The following ZNF740 variants were observed in gnomAD, a reference collection of about 807,000 sequenced individuals.
ZNF740 encodes the protein zinc finger protein 740.
ZNF740 carries 14 observed loss-of-function variants against 24.8 expected under a neutral mutation model. That is an observed-to-expected ratio of 0.56 (90% CI 0.37 to 0.88). The LOEUF (loss-of-function observed/expected upper bound fraction) is 0.88. ZNF740 is among the 40% of genes least tolerant of loss of function. The pLI, the probability that ZNF740 is intolerant of heterozygous loss-of-function variation, is 0.00. For missense variants in ZNF740, 201 were observed against 247.9 expected, an observed-to-expected ratio of 0.81 and a Z score of 1.27; for synonymous variants, 69 against 84.0, an observed-to-expected ratio of 0.82 and a Z score of 0.98.
Position 53,193,557 on chromosome 12 carries a change from A to G in ZNF740, c.*5967A>G, listed in dbSNP as rs970622858. The G allele has an allele frequency of 7.7e-6, 6 of 778,536 alleles. No individual in the cohort carries two copies. The highest frequency in any genetic ancestry group is 1.2e-5 in the Non-Finnish European group (6 of 488,552). The allele number at this position is 778,536 out of a possible 1,614,324, so 48.2% of individuals were successfully genotyped here. A position where few individuals can be genotyped will look rare whatever the true frequency, so the allele number is the denominator to read the frequency against. ...CCCCAGTCAGGGGGAGGGCCTGGAC[A>G]TACATGGGAAGCTTCAAGGGATGAA... On this transcript the variant is annotated 3_prime_UTR_variant, in exon 7 of 7. Coordinates refer to ENST00000416904, the MANE Select transcript of ZNF740 (RefSeq NM_001004304.4).
chr12:53,193,461 T>G lies in ZNF740; in HGVS notation c.*5871T>G. On this transcript the variant is annotated 3_prime_UTR_variant, in exon 7 of 7. Transcript: ENST00000416904. ...CTCTAAACCCAAGTTCTCAAAAGAG[T>G]TGGAGACAGACAAACAGCTGAAAGG... The G allele has an allele frequency of 1.1e-6, 1 of 909,524 alleles. No homozygotes were observed. Among genetic ancestry groups the G allele is most frequent in the Non-Finnish European group, 1.6e-6 (1 of 612,834 alleles). 56.3% of individuals were successfully genotyped at this position (909,524 alleles called of 1,614,324 possible). A position where few individuals can be genotyped will look rare whatever the true frequency, so the allele number is the denominator to read the frequency against.
rs1942039306 is a variant in ZNF740, at chr12:53,193,411, C to G, written c.*5821C>G. The G allele has an allele frequency of 7.3e-7, 1 of 1,362,942 alleles. No individual in the cohort carries two copies. Among genetic ancestry groups the G allele is most frequent in the Non-Finnish European group, 9.9e-7 (1 of 1,012,430 alleles). The allele number at this position is 1,362,942 out of a possible 1,614,324, so 84.4% of individuals were successfully genotyped here. On this transcript the variant is annotated 3_prime_UTR_variant, in exon 7 of 7. Coordinates refer to ENST00000416904, the MANE Select transcript of ZNF740 (RefSeq NM_001004304.4). Reference sequence around the variant, plus strand: ...AGAAGTAGGTCAGAGGGTTTGATCACCCCTGACTTGTCTCTCCCAGGAACC... The same window carrying G: ...AGAAGTAGGTCAGAGGGTTTGATCAGCCCTGACTTGTCTCTCCCAGGAACC...
At chr12:53,187,377 C>T (rs984092032) in intron 6 of ZNF740, 124 bp from the exon 7 acceptor site, 2 of 768,716 alleles carry the variant, frequency 2.6e-6, no homozygotes, top group Non-Finnish European at 4.4e-6. Context: ...CCGTGTGCTC[C>T]TGCTGTCTGT....
At position 53,193,655 on chromosome 12, in the gene ZNF740, GGGTT is replaced by G; in HGVS notation, c.*6075_*6078del. ...GAAAGCAGCGGAGGAATACGGGCCA[GGGTT>G]GGTTGGTTGTTGGGAGCCAGGTGGT... On this transcript the variant is annotated 3_prime_UTR_variant, in exon 7 of 7. Transcript: ENST00000416904. 1.3e-6 allele frequency: 2 copies of G among 1,487,100 alleles called. No individual in the cohort carries two copies. Among genetic ancestry groups the G allele is most frequent in the Non-Finnish European group, 1.8e-6 (2 of 1,086,946 alleles). 92.1% of individuals were successfully genotyped at this position (1,487,100 alleles called of 1,614,324 possible). A position where few individuals can be genotyped will look rare whatever the true frequency, so the allele number is the denominator to read the frequency against.
chr12:53,183,853 G>A (rs140910436), intron 2 of ZNF740, among the ~76,000 whole-genome samples: 5 of 151,990 alleles, frequency 3.3e-5, no homozygotes, highest in South Asian at 2.1e-4. Flanking sequence ...GTGAAACCCC[G>A]TCTCTATAAA....
rs1312922304 is a variant in ZNF740 at position 53,194,970 on chromosome 12, T to G, written c.*7380T>G. The stretch of plus-strand genomic sequence containing the variant: ...AATGCCAGCCCTTCTGTTTGTTATC[T>G]TTGTGACCTTGGACAAGTCACTTAG... On this transcript the variant is annotated 3_prime_UTR_variant, in exon 7 of 7. Transcript: ENST00000416904. The G allele has an allele frequency of 2.0e-5, 4 of 200,920 alleles. No homozygotes were observed. The highest frequency in any genetic ancestry group is 4.1e-5 in the Non-Finnish European group (4 of 96,874). 12.4% of individuals were successfully genotyped at this position (200,920 alleles called of 1,614,324 possible). A position where few individuals can be genotyped will look rare whatever the true frequency, so the allele number is the denominator to read the frequency against.
intron 2 of ZNF740, among the ~76,000 whole-genome samples, chr12:53,184,176 GGT>G (rs143795685): frequency 0.03 from 3,882 of 127,604 alleles, 181 homozygotes; most frequent in African/African-American, 0.1. Context: ...GAAGCTAAGG[GGT>G]GTGTGTGTGT....
chr12:53,193,966 AATC>A lies in ZNF740; in HGVS notation c.*6380_*6382del, dbSNP rs1942065771. ...CACACACACATACCCCAAACTCACC[AATC>A]ATCCAGAACCTCACCCCTTAGTAAA... On this transcript the variant is annotated 3_prime_UTR_variant, in exon 7 of 7. Coordinates refer to ENST00000416904, the MANE Select transcript of ZNF740 (RefSeq NM_001004304.4). The A allele has an allele frequency of 2.1e-6, 3 of 1,459,246 alleles. No homozygotes were observed. The highest frequency in any genetic ancestry group is 9.4e-7 in the Non-Finnish European group (1 of 1,065,624). 90.4% of individuals were successfully genotyped at this position (1,459,246 alleles called of 1,614,324 possible).
In ZNF740 at chr12:53,189,175, C is replaced by G. The variant is rs1305733575; in HGVS notation, c.*1585C>G. The G allele has an allele frequency of 6.6e-6, 1 of 151,982 alleles. No homozygotes were observed. The highest frequency in any genetic ancestry group is 2.4e-5 in the African/African-American group (1 of 41,384). 9.4% of individuals were successfully genotyped at this position (151,982 alleles called of 1,614,324 possible). On this transcript the variant is annotated 3_prime_UTR_variant, in exon 7 of 7. Transcript: ENST00000416904. ...AGGATGTTTCTAACCCAAGCCAGGG[C>G]TTGTGAACATGAATTTTCTAAGGTG...
Position 53,187,898 on chromosome 12 carries a change from C to A in ZNF740, c.*308C>A. 1 of 322,220 alleles carries A rather than the reference C, an allele frequency of 3.1e-6. No individual in the cohort carries two copies. The highest frequency in any genetic ancestry group is 5.8e-6 in the Non-Finnish European group (1 of 172,070). The allele number at this position is 322,220 out of a possible 1,614,324, so 20.0% of individuals were successfully genotyped here. On this transcript the variant is annotated 3_prime_UTR_variant, in exon 7 of 7. Transcript: ENST00000416904. Reference sequence around the variant, plus strand: ...CAGGACCAAGACTGAAGTGTGGCTCCCACAACCTTGGACTCCAGCTGGCAG... The same window carrying A: ...CAGGACCAAGACTGAAGTGTGGCTCACACAACCTTGGACTCCAGCTGGCAG...
rs954674896 is a variant in ZNF740 at position 53,190,325 on chromosome 12, A to G, written c.*2735A>G. On this transcript the variant is annotated 3_prime_UTR_variant, in exon 7 of 7. Coordinates refer to ENST00000416904, the MANE Select transcript of ZNF740 (RefSeq NM_001004304.4). ...CCAGCATGGGGCCTAGCACTGGAAG[A>G]TGCCTCAGGTGTGTTTGGAGTGGGG... 1.3e-5 allele frequency: 2 copies of G among 152,674 alleles called. No homozygotes were observed. Among genetic ancestry groups the G allele is most frequent in the Non-Finnish European group, 2.9e-5 (2 of 68,082 alleles). The allele number at this position is 152,674 out of a possible 1,614,324, so 9.5% of individuals were successfully genotyped here.
In ZNF740 at chr12:53,193,092, T is replaced by G; in HGVS notation, c.*5502T>G. On this transcript the variant is annotated 3_prime_UTR_variant, in exon 7 of 7. Coordinates refer to ENST00000416904, the MANE Select transcript of ZNF740 (RefSeq NM_001004304.4). ...AGGAGATTCCCAGAGCCTAAGTGCC[T>G]TGGGAAGGCCTCTCAGACCCCGCCC... The G allele has an allele frequency of 6.5e-7, 1 of 1,531,938 alleles. No homozygotes were observed. Among genetic ancestry groups the G allele is most frequent in the Middle Eastern group, 1.8e-4 (1 of 5,652 alleles). 94.9% of individuals were successfully genotyped at this position (1,531,938 alleles called of 1,614,324 possible). A position where few individuals can be genotyped will look rare whatever the true frequency, so the allele number is the denominator to read the frequency against.
intron 3 of ZNF740, 48 bp downstream of exon 3, chr12:53,185,088 G>A (rs759024811): frequency 3.1e-6 from 5 of 1,608,730 alleles, no homozygotes; most frequent in Non-Finnish European, 4.2e-6. Flanking sequence ...GGTGGCCCAA[G>A]CTCTCTGCCA....
At chr12:53,184,167 AAGCTAAGGGGTGTGTGTGTGTGTGTGT>A in intron 2 of ZNF740, among the ~76,000 whole-genome samples, 1 of 90,902 alleles carries the variant, frequency 1.1e-5, no homozygotes, top group African/African-American at 5.9e-5. Flanking sequence ...GCGCGCTCTG[AAGCTAAGGGGTGTGTGTGTGTGTGTGT>A]GTGTGTGAGT....
Position 53,191,575 on chromosome 12 carries a change from G to A in ZNF740, c.*3985G>A. 1 of 1,612,682 alleles carries A rather than the reference G, an allele frequency of 6.2e-7. No homozygotes were observed. The highest frequency in any genetic ancestry group is 8.5e-7 in the Non-Finnish European group (1 of 1,178,670). On this transcript the variant is annotated 3_prime_UTR_variant, in exon 7 of 7. Transcript: ENST00000416904. ...CCTCCTTCAGAGAGTGGGACTGTCT[G>A]CCTCTTGAAAGCGAGGATTGATGGT...
At position 53,181,759 on chromosome 12, in the gene ZNF740, T is replaced by C; in HGVS notation, c.-225T>C. ...GTAGACTCTCTTTTTCTTCAGACAA[T>C]AGGCAGGAGCCAGGCAGAGTCCAGG... On this transcript the variant is annotated 5_prime_UTR_variant, in exon 2 of 7. Coordinates refer to ENST00000416904, the MANE Select transcript of ZNF740 (RefSeq NM_001004304.4). The C allele has an allele frequency of 1.7e-6, 1 of 593,398 alleles. No individual in the cohort carries two copies. The highest frequency in any genetic ancestry group is 2.8e-6 in the Non-Finnish European group (1 of 351,092). 36.8% of individuals were successfully genotyped at this position (593,398 alleles called of 1,614,324 possible).
chr12:53,185,927 C>A (rs1175170805), intron 4 of ZNF740, 27 bp from the exon 5 acceptor site: 2 of 1,611,886 alleles, frequency 1.2e-6, no homozygotes, highest in Non-Finnish European at 1.7e-6. Context: ...GTGGTGGCCT[C>A]ATGACATGCC....
At chr12:53,181,348 G>A in intron 1 of ZNF740, 1 of 985,460 alleles carries the variant, frequency 1.0e-6, no homozygotes, top group Middle Eastern at 5.2e-4. Context: ...CCTCTGTAAA[G>A]TGCGAGCTTT....
chr12:53,185,874 G>A (rs1941812253), intron 4 of ZNF740, 80 bp from the exon 5 acceptor site: 1 of 1,550,388 alleles, frequency 6.4e-7, no homozygotes, highest in Non-Finnish European at 8.7e-7. Flanking sequence ...TCCAACAGCT[G>A]GAAGTGGACC....
Sources: gnomAD v4.1 joint callset for allele counts (sites outside exome capture counted in the v4.1 genomes callset) on GRCh38, gnomAD v4.1.1 for gene constraint, MANE v1.5 for transcripts, NCBI Gene and HGNC (gene_info 2026-07-23, HGNC 2026-07-21) for gene names.